MED23: variants seen among roughly 807,000 people sequenced by gnomAD.
MED23 encodes mediator complex subunit 23.
Under a neutral mutation model 163.9 loss-of-function variants are expected in MED23, and 105 were observed. That is an observed-to-expected ratio of 0.64 (90% confidence interval 0.55 to 0.75). The LOEUF (loss-of-function observed/expected upper bound fraction) is 0.75, where lower values mean the gene tolerates loss of function less well. Among genes scored for constraint, MED23 ranks in the 30% least tolerant of loss-of-function variants. The probability of loss-of-function intolerance (pLI) is 0.00; values close to 1 mark genes in which losing one functional copy is unlikely to be tolerated. For missense variants in MED23, 1,054 were observed against 1,649.0 expected, an observed-to-expected ratio of 0.64 and a Z score of 6.25; for synonymous variants, 561 against 565.6, an observed-to-expected ratio of 0.99 and a Z score of 0.12.
At chr6:131,613,299 T>C (rs1015869865) in intron 10 of MED23, among the ~76,000 whole-genome samples, 1 of 152,130 alleles carries the variant, frequency 6.6e-6, no homozygotes, top group Non-Finnish European at 1.5e-5. Flanking sequence ...CCATTGTGAG[T>C]TGAAGTCTAA....
chr6:131,609,979 C>T (rs1562392313), intron 11 of MED23, 67 bp downstream of exon 11: 8 of 1,433,480 alleles, frequency 5.6e-6, no homozygotes, highest in Non-Finnish European at 7.9e-6. Flanking sequence ...CTAGGGAATG[C>T]CCACAGCAGT....
At chr6:131,589,668 T>C (rs1774442503) in intron 27 of MED23, 72 bp from the exon 28 acceptor site, 1 of 1,462,108 alleles carries the variant, frequency 6.8e-7, no homozygotes, top group Non-Finnish European at 9.6e-7. Context: ...GCAGCTGGGC[T>C]CCATTACAAC....
chr6:131,579,040 T>G, intron 30 of MED23: 7 of 1,537,514 alleles, frequency 4.6e-6, no homozygotes, highest in African/African-American at 1.4e-5. Context: ...TTTATACAAT[T>G]GAGATCATCC....
At chr6:131,620,298 TG>T (rs1197657743) in intron 7 of MED23, among the ~76,000 whole-genome samples, 2 of 152,168 alleles carry the variant, frequency 1.3e-5, no homozygotes, top group Non-Finnish European at 2.9e-5. Context: ...TACCCTTTTT[TG>T]TGTGTGAGAC....
intron 30 of MED23, among the ~76,000 whole-genome samples, chr6:131,579,945 GCAT>G (rs1773835407): frequency 6.6e-6 from 1 of 152,060 alleles, no homozygotes; most frequent in African/African-American, 2.4e-5. Context: ...ATGTGCATAA[GCAT>G]CATAAGCATC....
intron 10 of MED23, chr6:131,615,232 C>A: frequency 1.4e-6 from 2 of 1,468,296 alleles, no homozygotes; most frequent in South Asian, 1.2e-5. Context: ...TTTCAAGCCC[C>A]GACCATACAC....
At chr6:131,614,598 C>T (rs1418131392) in intron 10 of MED23, among the ~76,000 whole-genome samples, 1 of 152,088 alleles carries the variant, frequency 6.6e-6, no homozygotes, top group Non-Finnish European at 1.5e-5. Context: ...TTTTCTCCCA[C>T]CACAGGTGAG....
chr6:131,590,259 A>G, intron 27 of MED23, 63 bp downstream of exon 27: 1 of 1,491,060 alleles, frequency 6.7e-7, no homozygotes, highest in South Asian at 1.1e-5. Flanking sequence ...AACACTGGTA[A>G]AGAAACTTAA....
intron 30 of MED23, among the ~76,000 whole-genome samples, chr6:131,579,901 C>G (rs962988889): frequency 6.6e-6 from 1 of 151,992 alleles, no homozygotes; most frequent in Non-Finnish European, 1.5e-5. Flanking sequence ...TGTGTTCTCA[C>G]TCTACAGTGC....
chr6:131,613,887 A>G (rs1262242046), intron 10 of MED23, among the ~76,000 whole-genome samples: 1 of 152,176 alleles, frequency 6.6e-6, no homozygotes, highest in Non-Finnish European at 1.5e-5. Context: ...CCCGCCCCCA[A>G]GAGAAAAAAG....
At position 131,592,435 on chromosome 6, in the gene MED23, T is replaced by A. The variant is rs1213351118; in HGVS notation, c.3424A>T (p.Ile1142Phe). ...CCAATTGCATTCATCCATGCTGTAA[T>A]GTTCTCTCTTGGCACTAAAGGCTGA... Reference protein sequence around the residue: ...KSQPLVPRENITAWMNAIGLI... With the variant: ...KSQPLVPRENFTAWMNAIGLI... The change falls in exon 25 of 29, where the codon ATT becomes TTT. Residue 1142 changes from isoleucine to phenylalanine, a missense_variant. Coordinates refer to ENST00000368068, the MANE Select transcript of MED23 (RefSeq NM_004830.4). 3 of 1,614,058 alleles carry A rather than the reference T, an allele frequency of 1.9e-6. No individual in the cohort carries two copies. The highest frequency in any genetic ancestry group is 3.3e-5 in the Admixed American group (2 of 60,016).
intron 9 of MED23, among the ~76,000 whole-genome samples, chr6:131,617,569 C>T (rs990479271): frequency 3.3e-5 from 5 of 151,456 alleles, no homozygotes; most frequent in Non-Finnish European, 7.4e-5. Flanking sequence ...TTCATTTTAA[C>T]AGTAAAATGT....
intron 22 of MED23, among the ~76,000 whole-genome samples, chr6:131,594,608 C>A (rs940437481): frequency 2.0e-5 from 3 of 152,096 alleles, no homozygotes; most frequent in South Asian, 2.1e-4. Context: ...AAATTTTAAT[C>A]CCTTGACATA....
At chr6:131,601,828 TA>T (rs1287300107) in intron 17 of MED23, among the ~76,000 whole-genome samples, 2 of 152,024 alleles carry the variant, frequency 1.3e-5, no homozygotes, top group African/African-American at 4.8e-5. Context: ...TATTGCTATT[TA>T]AAAACAAATT....
chr6:131,597,937 GA>G (rs1562378359), intron 20 of MED23, among the ~76,000 whole-genome samples: 1 of 151,488 alleles, frequency 6.6e-6, no homozygotes, highest in African/African-American at 2.4e-5. Context: ...AAGTTAAAAA[GA>G]AAAAAAACTA....
At position 131,598,418 on chromosome 6, in the gene MED23, ATGTCCTCACATG is replaced by A. The variant is rs1775229816; in HGVS notation, c.2464_2475del (p.His822_Thr825del). 1 of 1,614,094 alleles carries A rather than the reference ATGTCCTCACATG, an allele frequency of 6.2e-7. No individual in the cohort carries two copies. The highest frequency in any genetic ancestry group is 2.2e-5 in the East Asian group (1 of 44,886). ...AACTCATATACCAGGAAATCTGCAA[ATGTCCTCACATG>A]GGCTACCAAGGCCCTGGCTCCAATT... On this transcript the variant is annotated inframe_deletion, in exon 20 of 29. Coordinates refer to ENST00000368068, the MANE Select transcript of MED23 (RefSeq NM_004830.4). The surrounding 1 kb of genome is among the most constrained non-coding windows in gnomAD (Gnocchi z 4.7).
chr6:131,598,406 G>A lies in MED23; in HGVS notation c.2488C>T (p.Leu830=). ...VAHVRTFADF[L]VYEFSTSAGG... ...GCTGATGTAGAAAACTCATATACCA[G>A]GAAATCTGCAAATGTCCTCACATGG... The change falls in exon 20 of 29, where the codon CTG becomes TTG. Residue 830 remains leucine, a synonymous_variant. Transcript: ENST00000368068. This position sits in a 1 kb window ranked among gnomAD's most constrained non-coding sequence, Gnocchi z 4.7. 6.2e-7 allele frequency: 1 copy of A among 1,614,134 alleles called. No individual in the cohort carries two copies. The highest frequency in any genetic ancestry group is 1.1e-5 in the South Asian group (1 of 91,078).
chr6:131,581,887 T>C (rs1773945192), downstream of MED23, among the ~76,000 whole-genome samples: 1 of 152,204 alleles, frequency 6.6e-6, no homozygotes, highest in South Asian at 2.1e-4. Flanking sequence ...ATCTAAATCA[T>C]AAGAGAAAGA....
At position 131,607,945 on chromosome 6, in the gene MED23, G is replaced by A; in HGVS notation, c.1204C>T (p.Leu402=). The A allele has an allele frequency of 2.5e-6, 4 of 1,613,768 alleles. No individual in the cohort carries two copies. The highest frequency in any genetic ancestry group is 3.4e-6 in the Non-Finnish European group (4 of 1,179,868). Residue 402 remains leucine, a synonymous_variant, in exon 12 of 29, where the codon CTA becomes TTA. Transcript: ENST00000368068. The stretch of plus-strand genomic sequence containing the variant: ...AAGCTTACTTCTTTTTCTGGGTATA[G>A]CAAGTCGAAGAGCTTCATCACAGGG... The part of the protein sequence containing the change: ...FLPVMKLFDL[L]YPEKEYIPVP...
Sources: allele counts gnomAD v4.1 joint callset (sites outside exome capture counted in the v4.1 genomes callset), GRCh38; gene constraint gnomAD v4.1.1; non-coding constraint Gnocchi (gnomAD v3.1); transcripts MANE v1.5; gene names NCBI Gene and HGNC (gene_info 2026-07-23, HGNC 2026-07-21).